Variants in FOXP2 observed in about 807,000 individuals in gnomAD.
FOXP2 encodes the protein forkhead box protein P2.
FOXP2 carries 12 observed loss-of-function variants against 115.8 expected under a neutral mutation model. That is an observed-to-expected ratio of 0.10 (90% CI 0.07 to 0.17). The LOEUF (loss-of-function observed/expected upper bound fraction) is 0.17, where lower values mean the gene tolerates loss of function less well. FOXP2 is among the 10% of genes least tolerant of loss of function. The pLI, the probability that FOXP2 is intolerant of heterozygous loss-of-function variation, is 1.00. For missense variants in FOXP2, 629 were observed against 843.5 expected (o/e 0.75, Z 3.15); for synonymous variants, 328 against 297.7 (o/e 1.10, Z -1.05).
chr7:114,490,126 T>C (rs1339728784), intron 2 of FOXP2, among the ~76,000 whole-genome samples: 1 of 152,144 alleles, frequency 6.6e-6, no homozygotes, highest in African/African-American at 2.4e-5. Flanking sequence ...TATGAATGTT[T>C]ATAGTAGGGT....
Position 114,690,163 on chromosome 7 carries a change from A to G in FOXP2, c.*237A>G. ...TTTTTTTTTAGAAAAAAAGACAAAA[A>G]CTGATTTTCTTGAAAAAAAAAAATG... On this transcript the variant is annotated 3_prime_UTR_variant, in exon 17 of 17. Transcript: ENST00000350908. 1 of 527,016 alleles carries G rather than the reference A, an allele frequency of 1.9e-6. No homozygotes were observed. Among genetic ancestry groups the G allele is most frequent in the Non-Finnish European group, 3.4e-6 (1 of 290,596 alleles). 32.6% of individuals were successfully genotyped at this position (527,016 alleles called of 1,614,324 possible). A position where few individuals can be genotyped will look rare whatever the true frequency, so the allele number is the denominator to read the frequency against.
At chr7:114,438,544 A>G (rs1374965741) in intron 2 of FOXP2, among the ~76,000 whole-genome samples, 5 of 151,900 alleles carry the variant, frequency 3.3e-5, no homozygotes, top group Non-Finnish European at 5.9e-5. Flanking sequence ...AAATATATTC[A>G]TTATAACAAC....
At chr7:114,145,882 ATTAT>A (rs891229540) in intron 1 of FOXP2, among the ~76,000 whole-genome samples, 2 of 152,192 alleles carry the variant, frequency 1.3e-5, no homozygotes, top group African/African-American at 4.8e-5. Flanking sequence ...GTGTGTAAAC[ATTAT>A]TTACATTTTT....
chr7:114,568,051 T>C (rs1255750632), intron 3 of FOXP2, among the ~76,000 whole-genome samples: 4 of 152,136 alleles, frequency 2.6e-5, no homozygotes, highest in Non-Finnish European at 1.5e-5. Context: ...TAGATTAATT[T>C]GACTTTCTCT....
intron 2 of FOXP2, among the ~76,000 whole-genome samples, chr7:114,434,678 GA>G (rs1334297280): frequency 6.6e-6 from 1 of 151,674 alleles, no homozygotes; most frequent in Admixed American, 6.6e-5. Context: ...GTTTCGTTAA[GA>G]AAAAAATTAG....
At chr7:114,347,080 A>G (rs1584654785) in intron 2 of FOXP2, among the ~76,000 whole-genome samples, 1 of 152,010 alleles carries the variant, frequency 6.6e-6, no homozygotes, top group East Asian at 1.9e-4. Context: ...TATATGCCTT[A>G]GGTCCTGATG....
intron 3 of FOXP2, among the ~76,000 whole-genome samples, chr7:114,579,587 CT>C (rs1412408189): frequency 1.3e-5 from 2 of 152,062 alleles, no homozygotes; most frequent in African/African-American, 4.8e-5. Context: ...AGCCTGTTTC[CT>C]TTTCTTCCCT....
intron 1 of FOXP2, among the ~76,000 whole-genome samples, chr7:114,130,748 A>G (rs888767458): frequency 6.6e-6 from 1 of 152,236 alleles, no homozygotes; most frequent in African/African-American, 2.4e-5. Flanking sequence ...AAATATATGC[A>G]AAGGCATCAG....
chr7:114,359,195 G>T (rs1791687688), intron 2 of FOXP2, among the ~76,000 whole-genome samples: 1 of 152,284 alleles, frequency 6.6e-6, no homozygotes. Context: ...TGCTTCAGAG[G>T]GTGCAAGCCC....
chr7:114,439,702 G>A (rs563023561), intron 2 of FOXP2, among the ~76,000 whole-genome samples: 17 of 151,964 alleles, frequency 1.1e-4, no homozygotes, highest in African/African-American at 4.1e-4. Flanking sequence ...GCACCACCAC[G>A]CCTAGCTCCT....
chr7:114,102,436 C>T (rs1047393856), intron 1 of FOXP2, among the ~76,000 whole-genome samples: 7 of 151,840 alleles, frequency 4.6e-5, no homozygotes, highest in African/African-American at 9.7e-5. Context: ...ACTTTCTCAC[C>T]GCCATTATAC....
intron 2 of FOXP2, among the ~76,000 whole-genome samples, chr7:114,457,314 T>A (rs1795353247): frequency 6.6e-6 from 1 of 152,172 alleles, no homozygotes; most frequent in South Asian, 2.1e-4. Context: ...ATTAACACCA[T>A]TAAAAATGAA....
At chr7:114,488,465 A>G (rs1796893107) in intron 2 of FOXP2, among the ~76,000 whole-genome samples, 1 of 152,150 alleles carries the variant, frequency 6.6e-6, no homozygotes, top group South Asian at 2.1e-4. Context: ...ATGATTTTTT[A>G]TGTGTGAAAA....
At chr7:114,092,843 T>G (rs1381534755) in intron 1 of FOXP2, among the ~76,000 whole-genome samples, 1 of 152,162 alleles carries the variant, frequency 6.6e-6, no homozygotes, top group African/African-American at 2.4e-5. Flanking sequence ...GTTTTCAATT[T>G]TTTTCCTTAT....
intron 16 of FOXP2, among the ~76,000 whole-genome samples, chr7:114,682,682 T>C (rs538730238): frequency 6.6e-6 from 1 of 152,098 alleles, no homozygotes; most frequent in East Asian, 1.9e-4. Context: ...AAATTGCCAA[T>C]GGTCACAAGA....
intron 3 of FOXP2, among the ~76,000 whole-genome samples, chr7:114,536,572 G>A (rs1047758989): frequency 6.6e-6 from 1 of 151,202 alleles, no homozygotes; most frequent in East Asian, 1.9e-4. Flanking sequence ...AAAATTTTGA[G>A]CAGAAGTGTC....
intron 8 of FOXP2, among the ~76,000 whole-genome samples, chr7:114,651,426 T>A (rs1324245378): frequency 6.6e-6 from 1 of 152,126 alleles, no homozygotes; most frequent in Non-Finnish European, 1.5e-5. Context: ...TTCATGTTCA[T>A]TGGAGATGCT....
At chr7:114,168,140 A>G (rs1793031942) in intron 1 of FOXP2, among the ~76,000 whole-genome samples, 1 of 152,164 alleles carries the variant, frequency 6.6e-6, no homozygotes, top group African/African-American at 2.4e-5. Flanking sequence ...CAGTGTGAAA[A>G]TGGACTAATA....
chr7:114,176,288 C>CTTTT (rs1491540588), intron 1 of FOXP2, among the ~76,000 whole-genome samples: 1 of 42,134 alleles, frequency 2.4e-5, no homozygotes, highest in African/African-American at 6.2e-5. Flanking sequence ...TTCTTTCTTT[C>CTTTT]TTTCTTTCTT....
Sources: allele counts gnomAD v4.1 joint callset (sites outside exome capture counted in the v4.1 genomes callset), GRCh38; gene constraint gnomAD v4.1.1; transcripts MANE v1.5; gene names NCBI Gene and HGNC (gene_info 2026-07-23, HGNC 2026-07-21).